Variants in AFG1L observed in about 807,000 individuals in gnomAD.
AFG1L encodes the protein AFG1 like ATPase, also known as AFG1-like ATPase.
In AFG1L, 53 loss-of-function variants were observed where a neutral mutation model predicts 62.2. The ratio of observed to expected loss-of-function variants is 0.85; its 90% CI spans 0.68 to 1.07. The LOEUF (loss-of-function observed/expected upper bound fraction) is 1.07, where lower values mean the gene tolerates loss of function less well. AFG1L is among the 50% of genes least tolerant of loss of function. The pLI is 0.00. For missense variants in AFG1L, 555 were observed against 590.5 expected (o/e 0.94, Z 0.62); for synonymous variants, 228 against 210.3 (o/e 1.08, Z -0.73).
At chr6:108,455,436 C>T (rs141737276) in intron 8 of AFG1L, among the ~76,000 whole-genome samples, 21 of 152,258 alleles carry the variant, frequency 1.4e-4, no homozygotes, top group East Asian at 5.8e-4. Context: ...ATCTTCCCAA[C>T]GAAACTGCTT....
intron 8 of AFG1L, among the ~76,000 whole-genome samples, chr6:108,447,553 T>C (rs1312555191): frequency 6.6e-6 from 1 of 152,174 alleles, no homozygotes; most frequent in Non-Finnish European, 1.5e-5. Context: ...ATGTAATGAG[T>C]ATCCTTTTAT....
chr6:108,427,677 A>G (rs573143920), intron 7 of AFG1L, among the ~76,000 whole-genome samples: 11 of 152,068 alleles, frequency 7.2e-5, no homozygotes, highest in African/African-American at 2.7e-4. Flanking sequence ...GAACGCCACC[A>G]TACCCGGTTA....
intron 7 of AFG1L, among the ~76,000 whole-genome samples, chr6:108,422,694 C>T (rs984920239): frequency 1.3e-5 from 2 of 151,822 alleles, no homozygotes; most frequent in African/African-American, 4.8e-5. Context: ...CCTTCAAATA[C>T]TTCAGTGCTC....
At chr6:108,299,119 G>A (rs1776881854) in intron 1 of AFG1L, among the ~76,000 whole-genome samples, 1 of 152,156 alleles carries the variant, frequency 6.6e-6, no homozygotes, top group East Asian at 1.9e-4. Context: ...AAATTAGCTG[G>A]GCGTGGTGGT....
At chr6:108,519,441 T>C (rs1775035395) in intron 11 of AFG1L, among the ~76,000 whole-genome samples, 1 of 152,236 alleles carries the variant, frequency 6.6e-6, no homozygotes, top group Non-Finnish European at 1.5e-5. Flanking sequence ...TCTCCAGCCC[T>C]GAAGTCTCCC....
chr6:108,488,394 G>A (rs1041404374), intron 10 of AFG1L, among the ~76,000 whole-genome samples: 4 of 152,254 alleles, frequency 2.6e-5, no homozygotes, highest in South Asian at 2.1e-4. Flanking sequence ...ATGGATGATC[G>A]GAGTGGAACT....
intron 10 of AFG1L, among the ~76,000 whole-genome samples, chr6:108,502,852 G>A (rs938600058): frequency 2.6e-5 from 4 of 152,198 alleles, no homozygotes; most frequent in Non-Finnish European, 4.4e-5. Context: ...CTCAACCCCT[G>A]CCACTGCTTT....
intron 8 of AFG1L, among the ~76,000 whole-genome samples, chr6:108,457,466 A>C (rs1015616401): frequency 2.0e-5 from 3 of 151,650 alleles, no homozygotes; most frequent in Non-Finnish European, 2.9e-5. Context: ...CATTTTTACT[A>C]TCCCGGGCTT....
intron 2 of AFG1L, among the ~76,000 whole-genome samples, chr6:108,335,932 A>C (rs1778459184): frequency 6.6e-6 from 1 of 152,188 alleles, no homozygotes; most frequent in Admixed American, 6.6e-5. Context: ...TTAGAGTTTT[A>C]AGCACACCCC....
chr6:108,383,246 A>T (rs898619625), intron 6 of AFG1L, among the ~76,000 whole-genome samples: 6 of 152,196 alleles, frequency 3.9e-5, no homozygotes, highest in Middle Eastern at 3.2e-3. Context: ...ATAAATAAAT[A>T]AATTAAATTA....
chr6:108,371,126 C>A (rs974166927), intron 6 of AFG1L, among the ~76,000 whole-genome samples: 1 of 152,156 alleles, frequency 6.6e-6, no homozygotes, highest in African/African-American at 2.4e-5. Flanking sequence ...GTACACCATG[C>A]AGCTGTTAAA....
chr6:108,317,992 T>G (rs928010638), intron 1 of AFG1L: 7 of 153,112 alleles, frequency 4.6e-5, no homozygotes, highest in African/African-American at 1.7e-4. Flanking sequence ...CAGGAGAATT[T>G]TATTTGTTCC....
At chr6:108,391,768 A>T (rs962722395) in intron 6 of AFG1L, among the ~76,000 whole-genome samples, 6 of 152,270 alleles carry the variant, frequency 3.9e-5, no homozygotes, top group Admixed American at 3.3e-4. Context: ...GAAACATTTT[A>T]AAAAGCCATG....
chr6:108,431,926 T>C (rs1771095376), intron 7 of AFG1L, among the ~76,000 whole-genome samples: 1 of 151,288 alleles, frequency 6.6e-6, no homozygotes, highest in Non-Finnish European at 1.5e-5. Flanking sequence ...ATGGTGTCTT[T>C]GAAGCACCAT....
chr6:108,357,577 A>G (rs1779341113), intron 5 of AFG1L, among the ~76,000 whole-genome samples: 1 of 152,226 alleles, frequency 6.6e-6, no homozygotes, highest in Non-Finnish European at 1.5e-5. Flanking sequence ...ATTATTATAA[A>G]ACAATGTCTT....
chr6:108,470,906 T>C (rs1772861030), intron 8 of AFG1L, among the ~76,000 whole-genome samples: 1 of 152,148 alleles, frequency 6.6e-6, no homozygotes, highest in African/African-American at 2.4e-5. Context: ...CTCATTCACA[T>C]GTTAGGAGGG....
intron 10 of AFG1L, among the ~76,000 whole-genome samples, chr6:108,508,644 A>G (rs1774518132): frequency 6.6e-6 from 1 of 152,182 alleles, no homozygotes; most frequent in Admixed American, 6.5e-5. Flanking sequence ...CCACTTCTCC[A>G]GAACCTAACT....
chr6:108,322,870 CA>C (rs1176603140), intron 1 of AFG1L, among the ~76,000 whole-genome samples: 1 of 152,132 alleles, frequency 6.6e-6, no homozygotes, highest in Non-Finnish European at 1.5e-5. Flanking sequence ...AAACCTGCCC[CA>C]CATAAGGAAT....
At chr6:108,411,715 TA>T (rs1388374595) in intron 7 of AFG1L, among the ~76,000 whole-genome samples, 1 of 152,098 alleles carries the variant, frequency 6.6e-6, no homozygotes, top group Non-Finnish European at 1.5e-5. Flanking sequence ...GAAGGAAAAC[TA>T]ACAAACAGAA....
Sources: gnomAD v4.1 joint callset for allele counts (sites outside exome capture counted in the v4.1 genomes callset) on GRCh38, gnomAD v4.1.1 for gene constraint, MANE v1.5 for transcripts, NCBI Gene and HGNC (gene_info 2026-07-23, HGNC 2026-07-21) for gene names.